Variants in EYS observed in about 807,000 individuals in gnomAD.
The protein encoded by EYS is protein eyes shut homolog.
In EYS, 250 loss-of-function variants were observed where a neutral mutation model predicts 282.1. The observed-to-expected ratio is 0.89, with a 90% CI of 0.80 to 0.98. The LOEUF (loss-of-function observed/expected upper bound fraction) is 0.98. Ranked by LOEUF, EYS falls within the 50% of genes least tolerant of loss-of-function variation. The probability of loss-of-function intolerance (pLI) is 0.00; values close to 1 mark genes in which losing one functional copy is unlikely to be tolerated. For missense variants in EYS, 4,016 were observed against 3,709.0 expected (o/e 1.08, Z -2.15); for synonymous variants, 1,355 against 1,282.9 (o/e 1.06, Z -1.20).
At chr6:64,785,894 A>C (rs1258150543) in intron 22 of EYS, among the ~76,000 whole-genome samples, 1 of 152,200 alleles carries the variant, frequency 6.6e-6, no homozygotes, top group Non-Finnish European at 1.5e-5. Context: ...GACCCAACTG[A>C]ATCTTTCAAA....
At chr6:64,069,604 T>C (rs1582225093) in intron 32 of EYS, among the ~76,000 whole-genome samples, 1 of 152,096 alleles carries the variant, frequency 6.6e-6, no homozygotes, top group East Asian at 1.9e-4. Context: ...TAATATTCAG[T>C]GAACATCTGT....
chr6:65,153,768 A>G (rs1764672478), intron 12 of EYS, among the ~76,000 whole-genome samples: 1 of 151,842 alleles, frequency 6.6e-6, no homozygotes, highest in African/African-American at 2.4e-5. Context: ...AGCAGAATAT[A>G]GTCATGTAAA....
chr6:64,604,865 C>G (rs757736415), intron 24 of EYS, among the ~76,000 whole-genome samples: 2 of 151,848 alleles, frequency 1.3e-5, no homozygotes, highest in Non-Finnish European at 2.9e-5. Flanking sequence ...GAGACAGATG[C>G]GCAGGCAACA....
At chr6:64,395,205 A>C (rs1260842601) in intron 28 of EYS, among the ~76,000 whole-genome samples, 1 of 152,118 alleles carries the variant, frequency 6.6e-6, no homozygotes, top group African/African-American at 2.4e-5. Flanking sequence ...TAGTTCAACC[A>C]TTGTGGAAGT....
intron 2 of EYS, among the ~76,000 whole-genome samples, chr6:65,619,896 G>T (rs1374574128): frequency 4.6e-5 from 7 of 151,052 alleles, no homozygotes; most frequent in African/African-American, 1.7e-4. Flanking sequence ...GCATCCCAGG[G>T]ATGAAGCCCA....
Position 64,177,941 on chromosome 6 carries a change from T to C in EYS, c.6424+52651A>G, listed in dbSNP as rs1385089370. On this transcript the variant is annotated intron_variant, in intron 31 of 42. Transcript: ENST00000503581. ...TCTCCTTTTAGCATATTCCATTTAC[T>C]CCAACCCTTGGTCCAATATGGCTGT... Among the ~76,000 whole-genome samples the C allele has an allele frequency of 2.6e-5, 4 of 152,140 alleles. No individual in the cohort carries two copies. The East Asian group carries it at 7.7e-4, about 29-fold the overall frequency.
At chr6:64,391,329 T>C (rs1364531472) in intron 28 of EYS, among the ~76,000 whole-genome samples, 3 of 151,896 alleles carry the variant, frequency 2.0e-5, no homozygotes, top group Non-Finnish European at 2.9e-5. Context: ...ATTGTCAGAT[T>C]CACCAAAGTT....
At chr6:64,630,165 G>A (rs1055961332) in intron 22 of EYS, among the ~76,000 whole-genome samples, 2 of 151,954 alleles carry the variant, frequency 1.3e-5, no homozygotes, top group Non-Finnish European at 2.9e-5. Context: ...GCACGATCTC[G>A]GCTCACTGCA....
Position 64,543,126 on chromosome 6 carries a change from G to C in EYS, c.5644+47097C>G, listed in dbSNP as rs1764740919. On this transcript the variant is annotated intron_variant, in intron 26 of 42. Transcript: ENST00000503581. Reference sequence around the variant, plus strand: ...ACCTGACACATCACCACAAAGAACAGGTAATTTATTATTTTTTATTGCCAT... The same window carrying C: ...ACCTGACACATCACCACAAAGAACACGTAATTTATTATTTTTTATTGCCAT... Among the ~76,000 whole-genome samples, 4 of 152,004 alleles carry C rather than the reference G, an allele frequency of 2.6e-5. No homozygotes were observed. In the South Asian group the frequency reaches 8.3e-4, roughly 31 times the overall value.
chr6:64,343,594 A>G (rs189284096), intron 29 of EYS, among the ~76,000 whole-genome samples: 1 of 152,268 alleles, frequency 6.6e-6, no homozygotes, highest in African/African-American at 2.4e-5. Flanking sequence ...AAATGCCCAC[A>G]AGAGAAAGCA....
At chr6:64,486,407 G>T (rs1776580448) in intron 26 of EYS, among the ~76,000 whole-genome samples, 2 of 151,356 alleles carry the variant, frequency 1.3e-5, no homozygotes, top group African/African-American at 4.8e-5. Flanking sequence ...AAATCCAAAA[G>T]AATTCAAGGG....
chr6:63,963,366 A>G (rs1285115277), intron 35 of EYS, among the ~76,000 whole-genome samples: 1 of 152,220 alleles, frequency 6.6e-6, no homozygotes, highest in Non-Finnish European at 1.5e-5. Context: ...AAATTAAAAA[A>G]GGACTAAAAA....
chr6:65,601,094 T>C (rs1475652983), intron 2 of EYS, among the ~76,000 whole-genome samples: 3 of 151,956 alleles, frequency 2.0e-5, no homozygotes, highest in African/African-American at 7.2e-5. Flanking sequence ...GCAGAATTTA[T>C]AGATTCATAC....
At chr6:65,456,174 C>T (rs1289745572) in intron 5 of EYS, among the ~76,000 whole-genome samples, 2 of 151,864 alleles carry the variant, frequency 1.3e-5, no homozygotes, top group Non-Finnish European at 2.9e-5. Flanking sequence ...AAGAACAGGC[C>T]GGGCGAGGTA....
chr6:65,509,150 G>A (rs190404114), intron 2 of EYS, among the ~76,000 whole-genome samples: 12 of 152,298 alleles, frequency 7.9e-5, no homozygotes, highest in South Asian at 2.1e-4. Context: ...TCTTCCTTTC[G>A]TTGATTGGAT....
intron 19 of EYS, among the ~76,000 whole-genome samples, chr6:64,857,119 T>C (rs1766088505): frequency 6.6e-6 from 1 of 152,204 alleles, no homozygotes; most frequent in South Asian, 2.1e-4. Flanking sequence ...TTCTCTAGTC[T>C]GTTCCATTGA....
At chr6:64,110,325 C>A (rs1162497628) in intron 31 of EYS, among the ~76,000 whole-genome samples, 1 of 151,946 alleles carries the variant, frequency 6.6e-6, no homozygotes, top group Non-Finnish European at 1.5e-5. Flanking sequence ...CTTAGACATA[C>A]TCTCAGATTA....
intron 11 of EYS, among the ~76,000 whole-genome samples, chr6:65,324,508 CCCTCTTCGCTTG>C (rs1286055567): frequency 6.6e-6 from 1 of 152,182 alleles, no homozygotes; most frequent in Non-Finnish European, 1.5e-5. Flanking sequence ...TTCCTTGCAA[CCCTCTTCGCTTG>C]CCTTGCTGAG....
At chr6:63,903,081 G>A (rs1415678685) in intron 35 of EYS, among the ~76,000 whole-genome samples, 2 of 152,176 alleles carry the variant, frequency 1.3e-5, no homozygotes, top group East Asian at 3.8e-4. Flanking sequence ...TGAATTTAAT[G>A]CGCAACCAGT....
Sources: allele counts gnomAD v4.1 joint callset (sites outside exome capture counted in the v4.1 genomes callset), GRCh38; gene constraint gnomAD v4.1.1; transcripts MANE v1.5; gene names NCBI Gene and HGNC (gene_info 2026-07-23, HGNC 2026-07-21).